Variants in FBXO25 observed in about 807,000 individuals in gnomAD.
FBXO25 encodes F-box only protein 25.
In FBXO25, 45 loss-of-function variants were observed where a neutral mutation model predicts 51.9. That is an observed-to-expected ratio of 0.87 (90% CI 0.68 to 1.11). The LOEUF is 1.11. Among genes scored for constraint, FBXO25 ranks in the 50% most tolerant of loss-of-function variants. The pLI, the probability that FBXO25 is intolerant of heterozygous loss-of-function variation, is 0.00. For missense variants in FBXO25, 507 were observed against 428.5 expected (o/e 1.18, Z -1.62); for synonymous variants, 199 against 151.0 (o/e 1.32, Z -2.33).
At chr8:449,297 G>C (rs1798930453) in intron 5 of FBXO25, among the ~76,000 whole-genome samples, 1 of 152,240 alleles carries the variant, frequency 6.6e-6, no homozygotes, top group South Asian at 2.1e-4. Flanking sequence ...GGGGTAACTG[G>C]AAAAGCAGGG....
intron 5 of FBXO25, among the ~76,000 whole-genome samples, chr8:439,705 C>T (rs375321428): frequency 6.6e-6 from 1 of 152,208 alleles, no homozygotes; most frequent in Non-Finnish European, 1.5e-5. Context: ...AGTCCTGTTT[C>T]CTTTAGCCCA....
At chr8:443,131 G>A (rs940951575) in intron 5 of FBXO25, among the ~76,000 whole-genome samples, 81 of 151,102 alleles carry the variant, frequency 5.4e-4, no homozygotes, top group Non-Finnish European at 6.3e-4. Flanking sequence ...TGTAACTGAT[G>A]TTTTTAAGAA....
chr8:438,756 C>T (rs1192285758), intron 5 of FBXO25, among the ~76,000 whole-genome samples: 3 of 152,192 alleles, frequency 2.0e-5, no homozygotes, highest in South Asian at 2.1e-4. Context: ...GTTCTAGTCA[C>T]ACTCCCACCA....
At chr8:453,730 G>A (rs1184535428) in intron 7 of FBXO25, among the ~76,000 whole-genome samples, 1 of 152,130 alleles carries the variant, frequency 6.6e-6, no homozygotes. Context: ...CAAGCACACC[G>A]CCTGAAGTTC....
chr8:433,191 T>A (rs1286998479), intron 4 of FBXO25, among the ~76,000 whole-genome samples: 2 of 152,268 alleles, frequency 1.3e-5, no homozygotes, highest in African/African-American at 4.8e-5. Context: ...GTGTATGGTG[T>A]ATGTGTGTGG....
chr8:467,852 T>C, intron 9 of FBXO25: 2 of 1,591,840 alleles, frequency 1.3e-6, no homozygotes, highest in South Asian at 2.2e-5. Context: ...ATTCCAGCTC[T>C]CGCTGACTTG....
intron 5 of FBXO25, among the ~76,000 whole-genome samples, chr8:442,502 C>CT (rs1798488381): frequency 1.3e-5 from 2 of 152,016 alleles, no homozygotes; most frequent in African/African-American, 4.8e-5. Flanking sequence ...GACAGAGTCG[C>CT]TTTGTCGCCC....
rs1338000896 is a variant in FBXO25 at position 471,205 on chromosome 8, G to C, written c.*2401G>C. 6.6e-6 allele frequency: 1 copy of C among 152,306 alleles called. No individual in the cohort carries two copies. Among genetic ancestry groups the C allele is most frequent in the Non-Finnish European group, 1.5e-5 (1 of 68,114 alleles). 9.4% of individuals were successfully genotyped at this position (152,306 alleles called of 1,614,324 possible). A position where few individuals can be genotyped will look rare whatever the true frequency, so the allele number is the denominator to read the frequency against. On this transcript the variant is annotated 3_prime_UTR_variant, in exon 10 of 10. Coordinates refer to ENST00000350302, the MANE Select transcript of FBXO25 (RefSeq NM_183420.2). Reference sequence around the variant, plus strand: ...GCCACTGCATGGGTCACAGCCTCCTGCAGGTGCGTTCGAGGGACAAGCTGT... The same window carrying C: ...GCCACTGCATGGGTCACAGCCTCCTCCAGGTGCGTTCGAGGGACAAGCTGT...
At position 468,346 on chromosome 8, in the gene FBXO25, A is replaced by G. The variant is rs577078019; in HGVS notation, c.988-369A>G. 1.3e-3 allele frequency: 1,153 copies of G among 868,172 alleles called. 1 individual carries two copies. The highest frequency in any genetic ancestry group is 1.5e-3 in the Non-Finnish European group (1,107 of 723,018). The allele number at this position is 868,172 out of a possible 1,614,324, so 53.8% of individuals were successfully genotyped here. On this transcript the variant is annotated intron_variant, in intron 9 of 9. Coordinates refer to ENST00000350302, the MANE Select transcript of FBXO25 (RefSeq NM_183420.2). ...TGAGCCAGGAACAGGAGGACAGGAC[A>G]AAGGAATGGCTGGGACCAGAGGACA...
At chr8:468,124 C>T (rs1800306524) in intron 9 of FBXO25, 1 of 1,049,316 alleles carries the variant, frequency 9.5e-7, no homozygotes, top group East Asian at 8.1e-5. Context: ...TCTTCATCCA[C>T]AAAATTAATT....
rs1411972316 is a variant in FBXO25, at chr8:437,699, C to T, written c.381+1992C>T. On this transcript the variant is annotated intron_variant, in intron 5 of 9. Coordinates refer to ENST00000350302, the MANE Select transcript of FBXO25 (RefSeq NM_183420.2). ...CAATTCTTAACCTCCCTGGCCCATG[C>T]CCAGTGCCCTCTTCTGTTGGCTTTC... 2.0e-5 allele frequency among the ~76,000 whole-genome samples: 3 copies of T among 152,024 alleles called. No homozygotes were observed. In the South Asian group the frequency reaches 6.2e-4, roughly 32 times the overall value.
intron 5 of FBXO25, among the ~76,000 whole-genome samples, chr8:442,954 G>A (rs575159400): frequency 2.4e-3 from 367 of 152,180 alleles, no homozygotes; most frequent in Non-Finnish European, 4.4e-3. Context: ...TAAAAATGCC[G>A]GATTAAAGTG....
intron 2 of FBXO25, among the ~76,000 whole-genome samples, chr8:425,961 C>A (rs1277277672): frequency 6.6e-6 from 1 of 151,014 alleles, no homozygotes; most frequent in Non-Finnish European, 1.5e-5. Flanking sequence ...TTGGTTGGCT[C>A]CCCACAGTAC....
intron 2 of FBXO25, among the ~76,000 whole-genome samples, chr8:414,310 T>C (rs965377921): frequency 3.3e-5 from 5 of 152,268 alleles, no homozygotes; most frequent in African/African-American, 1.2e-4. Flanking sequence ...ATGAATTTTC[T>C]AGGTCATTTT....
chr8:414,756 C>T (rs576589975), intron 2 of FBXO25, among the ~76,000 whole-genome samples: 44 of 152,294 alleles, frequency 2.9e-4, no homozygotes, highest in South Asian at 1.0e-3. Flanking sequence ...AGCATCCCTG[C>T]GCAAAAAGGT....
At position 438,829 on chromosome 8, in the gene FBXO25, G is replaced by T. The variant is rs192428392; in HGVS notation, c.381+3122G>T. 1.4e-3 allele frequency among the ~76,000 whole-genome samples: 213 copies of T among 152,272 alleles called. 1 individual carries two copies. The highest frequency in any genetic ancestry group is 6.8e-3 in the Middle Eastern group (2 of 294). ...ATACCAACTCAAGCCTACCTGGCTGGGACCTTGGCCTCACCGCCCCCATCA... is the reference window on the plus strand; with the variant it reads ...ATACCAACTCAAGCCTACCTGGCTGTGACCTTGGCCTCACCGCCCCCATCA... On this transcript the variant is annotated intron_variant, in intron 5 of 9. Coordinates refer to ENST00000350302, the MANE Select transcript of FBXO25 (RefSeq NM_183420.2).
At chr8:468,190 A>C in intron 9 of FBXO25, 1 of 1,014,200 alleles carries the variant, frequency 9.9e-7, no homozygotes, top group Non-Finnish European at 1.2e-6. Context: ...GTATGTGAGC[A>C]TGGCCAGCTC....
At chr8:407,244 G>T (rs1267919911) in intron 1 of FBXO25, among the ~76,000 whole-genome samples, 178 bp downstream of exon 1, 2 of 150,660 alleles carry the variant, frequency 1.3e-5, no homozygotes, top group Admixed American at 6.6e-5. Flanking sequence ...GCGTCAGGTG[G>T]GGACGGGGCC....
chr8:429,013 T>G (rs2117591847), intron 2 of FBXO25, among the ~76,000 whole-genome samples: 1 of 152,348 alleles, frequency 6.6e-6, no homozygotes, highest in African/African-American at 2.4e-5. Flanking sequence ...GGCATACAAG[T>G]ATCTCTTTCA....
Sources: gnomAD v4.1 joint callset for allele counts (sites outside exome capture counted in the v4.1 genomes callset) on GRCh38, gnomAD v4.1.1 for gene constraint, MANE v1.5 for transcripts, NCBI Gene and HGNC (gene_info 2026-07-23, HGNC 2026-07-21) for gene names.